Variants in L3MBTL4 observed in about 807,000 individuals in gnomAD.
The protein encoded by L3MBTL4 is lethal(3)malignant brain tumor-like protein 4.
In L3MBTL4, 70 loss-of-function variants were observed where a neutral mutation model predicts 84.5. The observed-to-expected ratio is 0.83, with a 90% CI of 0.68 to 1.01. L3MBTL4 has a LOEUF of 1.01. Ranked by LOEUF, L3MBTL4 falls within the 50% of genes least tolerant of loss-of-function variation. L3MBTL4 has a pLI of 0.00. For missense variants in L3MBTL4, 715 were observed against 754.8 expected, an observed-to-expected ratio of 0.95 and a Z score of 0.62; for synonymous variants, 274 against 259.8, an observed-to-expected ratio of 1.05 and a Z score of -0.52.
intron 5 of L3MBTL4, among the ~76,000 whole-genome samples, chr18:6,249,497 T>C (rs1238794292): frequency 2.0e-5 from 3 of 152,176 alleles, no homozygotes; most frequent in African/African-American, 7.2e-5. Context: ...AATGGAACAT[T>C]TGGGAGCTTT....
chr18:6,286,125 C>T (rs975630320), intron 4 of L3MBTL4, among the ~76,000 whole-genome samples: 7 of 151,738 alleles, frequency 4.6e-5, no homozygotes, highest in African/African-American at 1.7e-4. Flanking sequence ...CCACCATGCC[C>T]GGCCTGAACT....
chr18:5,973,329 A>C (rs1956735605), intron 16 of L3MBTL4, among the ~76,000 whole-genome samples: 1 of 152,236 alleles, frequency 6.6e-6, no homozygotes, highest in South Asian at 2.1e-4. Flanking sequence ...TCTGCTTCCC[A>C]GGCAGCCTGT....
At chr18:6,275,606 C>T (rs145015448) in intron 4 of L3MBTL4, among the ~76,000 whole-genome samples, 90 of 152,240 alleles carry the variant, frequency 5.9e-4, no homozygotes, top group African/African-American at 2.0e-3. Context: ...GTGATGAGGA[C>T]GAGGCTCACA....
chr18:6,324,640 T>C (rs2051617902), intron 1 of L3MBTL4, among the ~76,000 whole-genome samples: 2 of 152,170 alleles, frequency 1.3e-5, no homozygotes, highest in Admixed American at 6.5e-5. Flanking sequence ...GATCACGCTT[T>C]AGTTAGCCTC....
At chr18:5,985,168 G>A (rs766735304) in intron 16 of L3MBTL4, among the ~76,000 whole-genome samples, 3 of 152,128 alleles carry the variant, frequency 2.0e-5, no homozygotes, top group Non-Finnish European at 1.5e-5. Context: ...AGATACAAAG[G>A]AGAAACACAA....
intron 16 of L3MBTL4, among the ~76,000 whole-genome samples, chr18:5,980,023 C>A (rs937136750): frequency 6.6e-6 from 1 of 152,232 alleles, no homozygotes; most frequent in Admixed American, 6.5e-5. Flanking sequence ...CTGCTGCTCA[C>A]CCTGCTTGTC....
At chr18:6,015,140 G>A (rs1288605026) in intron 16 of L3MBTL4, among the ~76,000 whole-genome samples, 1 of 152,102 alleles carries the variant, frequency 6.6e-6, no homozygotes, top group Non-Finnish European at 1.5e-5. Flanking sequence ...GATGAGGGCT[G>A]AAGACACAGG....
intron 14 of L3MBTL4, among the ~76,000 whole-genome samples, chr18:6,131,454 G>C (rs1356844594): frequency 6.6e-6 from 1 of 152,102 alleles, no homozygotes; most frequent in Non-Finnish European, 1.5e-5. Context: ...TTCTGGACTA[G>C]AGACTGCAAG....
At chr18:6,397,031 T>C (rs935263419) in intron 1 of L3MBTL4, 5 of 152,134 alleles carry the variant, frequency 3.3e-5, no homozygotes, top group African/African-American at 1.2e-4. Flanking sequence ...AAGCAAAAAA[T>C]GCTGATGAAG....
intron 10 of L3MBTL4, among the ~76,000 whole-genome samples, chr18:6,222,634 C>T (rs1462819428): frequency 3.3e-5 from 5 of 152,114 alleles, no homozygotes; most frequent in Admixed American, 1.3e-4. Flanking sequence ...TTTCTCTAAC[C>T]GTATCATATT....
rs577799905 is a variant in L3MBTL4 at position 6,113,026 on chromosome 18, C to T, written c.1200-19498G>A. On this transcript the variant is annotated intron_variant, in intron 14 of 18. Transcript: ENST00000317931. ...TTTCATTAGTGTTAATGAGCTGTGCCTGGTTAACTCCCCGGCACATCGCAG... is the reference window on the plus strand; with the variant it reads ...TTTCATTAGTGTTAATGAGCTGTGCTTGGTTAACTCCCCGGCACATCGCAG... Among the ~76,000 whole-genome samples the T allele has an allele frequency of 2.6e-5, 4 of 152,202 alleles. No homozygotes were observed. In the South Asian group the frequency reaches 8.3e-4, roughly 32 times the overall value.
intron 12 of L3MBTL4, among the ~76,000 whole-genome samples, chr18:6,192,089 G>A (rs570687367): frequency 6.9e-4 from 105 of 152,220 alleles, no homozygotes; most frequent in African/African-American, 2.4e-3. Context: ...GAAGGTGTGT[G>A]AGAAGGAGCT....
chr18:6,200,063 T>C (rs1462192347), intron 12 of L3MBTL4, among the ~76,000 whole-genome samples: 1 of 152,056 alleles, frequency 6.6e-6, no homozygotes, highest in Non-Finnish European at 1.5e-5. Context: ...CAAGGAGTGG[T>C]AAAGAAGAGG....
chr18:6,013,445 T>C (rs1340533535), intron 16 of L3MBTL4, among the ~76,000 whole-genome samples: 4 of 152,210 alleles, frequency 2.6e-5, no homozygotes, highest in African/African-American at 7.2e-5. Context: ...CACTTTTCTA[T>C]GATGATGAGG....
intron 16 of L3MBTL4, among the ~76,000 whole-genome samples, chr18:5,980,671 A>G (rs1336233791): frequency 6.6e-6 from 1 of 152,086 alleles, no homozygotes; most frequent in Non-Finnish European, 1.5e-5. Flanking sequence ...ACCTCAGGTG[A>G]TCTGCCCACC....
At chr18:6,301,246 T>C (rs574380290) in intron 4 of L3MBTL4, among the ~76,000 whole-genome samples, 1 of 152,324 alleles carries the variant, frequency 6.6e-6, no homozygotes, top group East Asian at 1.9e-4. Context: ...ATCATATTTA[T>C]ATGCTTCCTT....
chr18:6,242,638 A>G (rs1256595926), intron 7 of L3MBTL4, among the ~76,000 whole-genome samples: 1 of 152,204 alleles, frequency 6.6e-6, no homozygotes, highest in African/African-American at 2.4e-5. Context: ...TGACTCCAGA[A>G]GTTGCCACAG....
rs193121490 is a variant in L3MBTL4, at chr18:6,250,751, A to T, written c.220-6163T>A. On this transcript the variant is annotated intron_variant, in intron 5 of 18. Transcript: ENST00000317931. Reference sequence around the variant, plus strand: ...ACTGATTTCTAAACCTTCACACGATAGCTCTCAAAGGGAAAGATGTTCACA... The same window carrying T: ...ACTGATTTCTAAACCTTCACACGATTGCTCTCAAAGGGAAAGATGTTCACA... Among the ~76,000 whole-genome samples, 111 of 152,366 alleles carry T rather than the reference A, an allele frequency of 7.3e-4. 2 individuals are homozygous for T. The East Asian group carries it at 0.019, about 26-fold the overall frequency.
intron 14 of L3MBTL4, among the ~76,000 whole-genome samples, chr18:6,097,855 A>G (rs1282864037): frequency 6.6e-6 from 1 of 152,014 alleles, no homozygotes; most frequent in African/African-American, 2.4e-5. Context: ...TCCCCTTCCC[A>G]TGACACGACT....
Sources: gnomAD v4.1 joint callset for allele counts (sites outside exome capture counted in the v4.1 genomes callset) on GRCh38, gnomAD v4.1.1 for gene constraint, MANE v1.5 for transcripts, NCBI Gene and HGNC (gene_info 2026-07-23, HGNC 2026-07-21) for gene names.